Variants in WWC1 observed in about 807,000 individuals in gnomAD.
WWC1 encodes WW and C2 domain containing 1.
In WWC1, 55 loss-of-function variants were observed where a neutral mutation model predicts 138.4. The ratio of observed to expected loss-of-function variants is 0.40; its 90% CI spans 0.32 to 0.50. The LOEUF is 0.50. Among genes scored for constraint, WWC1 ranks in the 20% least tolerant of loss-of-function variants. The pLI, the probability that WWC1 is intolerant of heterozygous loss-of-function variation, is 0.72. For synonymous variants in WWC1, 524 were observed against 564.9 expected, an observed-to-expected ratio of 0.93 and a Z score of 1.03; for missense variants, 1,226 against 1,420.4, an observed-to-expected ratio of 0.86 and a Z score of 2.20.
At chr5:168,385,563 C>G (rs1327757468) in intron 3 of WWC1, 149 bp downstream of exon 3, 4 of 759,110 alleles carry the variant, frequency 5.3e-6, no homozygotes, top group Non-Finnish European at 6.3e-6. Context: ...TCTTCCTGCT[C>G]CTACCTGTGC....
chr5:168,378,886 C>G (rs189037731), intron 2 of WWC1, among the ~76,000 whole-genome samples: 1 of 152,142 alleles, frequency 6.6e-6, no homozygotes, highest in East Asian at 1.9e-4. Flanking sequence ...TTGCTAAGGC[C>G]CTTGGAAAAT....
chr5:168,321,413 C>T (rs1056686396), intron 1 of WWC1, among the ~76,000 whole-genome samples: 1 of 152,112 alleles, frequency 6.6e-6, no homozygotes, highest in Non-Finnish European at 1.5e-5. Context: ...CCTTTTTCTG[C>T]CTTCATCTGG....
intron 2 of WWC1, among the ~76,000 whole-genome samples, chr5:168,381,377 A>G (rs1003529948): frequency 1.3e-5 from 2 of 152,204 alleles, no homozygotes; most frequent in African/African-American, 4.8e-5. Flanking sequence ...ACACGGGCCC[A>G]GCATTTCAAC....
Position 168,393,626 on chromosome 5 carries a change from T to C in WWC1, c.434-4098T>C, listed in dbSNP as rs533906759. Among the ~76,000 whole-genome samples the C allele has an allele frequency of 2.0e-3, 297 of 152,300 alleles. 3 individuals are homozygous for C. The highest frequency in any genetic ancestry group is 3.4e-3 in the Middle Eastern group (1 of 294). On this transcript the variant is annotated intron_variant, in intron 3 of 22. Coordinates refer to ENST00000265293, the MANE Select transcript of WWC1 (RefSeq NM_015238.3). ...TTCTTTCTCAAGAAGCTACTGGAGA[T>C]GATGTTCTACCAAAATGAGGTGGGT...
At chr5:168,329,630 C>A (rs1165169884) in intron 1 of WWC1, among the ~76,000 whole-genome samples, 1 of 152,256 alleles carries the variant, frequency 6.6e-6, no homozygotes, top group Non-Finnish European at 1.5e-5. Flanking sequence ...GGAGTTAGAA[C>A]CTTTTTGCCA....
At chr5:168,368,906 A>G (rs1375352221) in intron 1 of WWC1, among the ~76,000 whole-genome samples, 1 of 152,180 alleles carries the variant, frequency 6.6e-6, no homozygotes, top group Admixed American at 6.5e-5. Context: ...TTTGGAGCAG[A>G]TGCTCCTGAA....
chr5:168,437,496 C>T lies in WWC1; in HGVS notation c.2281-4186C>T, dbSNP rs750687742. ...TCGATGAAACACAGTGTGGAGTTTACCTATGGAGTTGTTATCTGATCCCCC... is the reference window on the plus strand; with the variant it reads ...TCGATGAAACACAGTGTGGAGTTTATCTATGGAGTTGTTATCTGATCCCCC... On this transcript the variant is annotated intron_variant, in intron 15 of 22. Transcript: ENST00000265293. Among the ~76,000 whole-genome samples the T allele has an allele frequency of 2.6e-4, 40 of 152,162 alleles. 1 individual carries two copies. Among genetic ancestry groups the T allele is most frequent in the Non-Finnish European group, 3.5e-4 (24 of 68,014 alleles).
intron 9 of WWC1, among the ~76,000 whole-genome samples, chr5:168,416,926 G>A (rs1341420555): frequency 1.3e-5 from 2 of 152,062 alleles, no homozygotes; most frequent in Admixed American, 6.5e-5. Flanking sequence ...GGAGTGCAGT[G>A]GCACGATCTC....
chr5:168,385,932 TCA>T (rs1403514686), intron 3 of WWC1, among the ~76,000 whole-genome samples: 4 of 152,192 alleles, frequency 2.6e-5, no homozygotes, highest in African/African-American at 9.6e-5. Flanking sequence ...CCCTCCGTGG[TCA>T]GGCCCCTGCC....
intron 9 of WWC1, among the ~76,000 whole-genome samples, chr5:168,418,056 C>T (rs1383123157): frequency 6.6e-6 from 1 of 152,204 alleles, no homozygotes. Context: ...TTCTTTCTCT[C>T]TGTCTCCCCT....
intron 9 of WWC1, among the ~76,000 whole-genome samples, chr5:168,418,199 T>C (rs1780799568): frequency 6.6e-6 from 1 of 152,158 alleles, no homozygotes; most frequent in African/African-American, 2.4e-5. Flanking sequence ...CTGCAGGACC[T>C]GCCAAACCCC....
In WWC1 at chr5:168,444,568, G is replaced by C. The variant is rs1052605167; in HGVS notation, c.2508G>C (p.Gln836His). ...GGCAGGAGGGCAGGAGCAGCACACA[G>C]ACACTGGAAGACAGCTGGTGAGTGA... ...EKRQEGRSSTQTLEDSWRYEE... is the reference protein window; with the variant it reads ...EKRQEGRSSTHTLEDSWRYEE... Residue 836 changes from glutamine to histidine, a missense_variant, in exon 17 of 23, where the codon CAG becomes CAC. Gln to His is a conservative substitution (Grantham distance 24). Around this residue, in one of 3 missense-constraint regions of WWC1, gnomAD observed 1,016 missense variants for 1,153.9 expected, o/e 0.88. Coordinates refer to ENST00000265293, the MANE Select transcript of WWC1 (RefSeq NM_015238.3). 3 of 1,612,892 alleles carry C rather than the reference G, an allele frequency of 1.9e-6. No homozygotes were observed. The Admixed American group carries it at 5.0e-5, about 27-fold the overall frequency.
At chr5:168,301,853 C>A (rs1224690541) in intron 1 of WWC1, among the ~76,000 whole-genome samples, 2 of 152,108 alleles carry the variant, frequency 1.3e-5, no homozygotes, top group Non-Finnish European at 2.9e-5. Flanking sequence ...GAACTAAAAC[C>A]CCTGTTTCTT....
At chr5:168,371,202 A>G (rs2287704) in intron 1 of WWC1, among the ~76,000 whole-genome samples, 34,629 of 152,122 alleles carry the variant, frequency 0.23, 4,141 homozygotes, top group South Asian at 0.45. Context: ...GGACCAGAAC[A>G]CAGATTCCCT....
intron 1 of WWC1, among the ~76,000 whole-genome samples, chr5:168,299,041 C>T (rs1366045126): frequency 2.0e-5 from 3 of 152,156 alleles, no homozygotes; most frequent in Non-Finnish European, 4.4e-5. Flanking sequence ...GCTGAGATCG[C>T]GCCTCTGCAC....
At chr5:168,462,969 A>T (rs1182989116) in intron 20 of WWC1, among the ~76,000 whole-genome samples, 5 of 152,232 alleles carry the variant, frequency 3.3e-5, no homozygotes, top group Admixed American at 3.3e-4. Context: ...TCAACCTAGA[A>T]GAGCATTCTA....
chr5:168,300,256 A>C (rs1769942651), intron 1 of WWC1, among the ~76,000 whole-genome samples: 1 of 152,190 alleles, frequency 6.6e-6, no homozygotes, highest in Admixed American at 6.5e-5. Flanking sequence ...CCAGCAGGCC[A>C]TTTAGCCTTT....
chr5:168,464,757 A>G lies in WWC1; in HGVS notation c.2945A>G (p.Glu982Gly). The G allele has an allele frequency of 6.2e-7, 1 of 1,614,148 alleles. No homozygotes were observed. Among genetic ancestry groups the G allele is most frequent in the Non-Finnish European group, 8.5e-7 (1 of 1,180,032 alleles). ...RPSSVKSLRS[E>G]RLIRTSLDLE... is the part of the protein sequence containing the mutation. ...TCCTCGGTCAAGTCGCTGCGCTCCG[A>G]GCGTCTGATCCGTACCTCGCTGGAC... The change falls in exon 21 of 23, where the codon GAG becomes GGG. Residue 982 changes from glutamate (E) to glycine (G), a missense_variant. Glu to Gly is a moderately conservative substitution (Grantham distance 98). Transcript: ENST00000265293.
chr5:168,362,340 A>G (rs7700508), intron 1 of WWC1, among the ~76,000 whole-genome samples: 70,692 of 152,026 alleles, frequency 0.46, 17,586 homozygotes, highest in Non-Finnish European at 0.57. Context: ...CTGTTTTGCA[A>G]ATGTGACAAC....
Sources: gnomAD v4.1 joint callset for allele counts (sites outside exome capture counted in the v4.1 genomes callset) on GRCh38, gnomAD v4.1.1 for gene constraint, gnomAD v4.1.1 regional missense constraint, MANE v1.5 for transcripts, NCBI Gene and HGNC (gene_info 2026-07-23, HGNC 2026-07-21) for gene names.